The following SAXO1 variants were observed in gnomAD, a reference collection of about 807,000 sequenced individuals.
The protein encoded by SAXO1 is stabilizer of axonemal microtubules 1.
A neutral mutation model predicts 17.5 loss-of-function variants in SAXO1; 21 were observed. The observed-to-expected ratio is 1.20, with a 90% confidence interval of 0.85 to 1.72. The LOEUF (loss-of-function observed/expected upper bound fraction) is 1.72, where lower values mean the gene tolerates loss of function less well. SAXO1 is among the 40% of genes most tolerant of loss of function. The probability of loss-of-function intolerance (pLI) is 0.00; values close to 1 mark genes in which losing one functional copy is unlikely to be tolerated. For missense variants in SAXO1, 843 were observed against 596.0 expected (o/e 1.41, Z -4.32); for synonymous variants, 274 against 216.5 (o/e 1.27, Z -2.33).
chr9:19,032,042 G>A lies in SAXO1; in HGVS notation c.38+829C>T, dbSNP rs376958911. Among the ~76,000 whole-genome samples the A allele has an allele frequency of 6.6e-5, 10 of 152,272 alleles. No homozygotes were observed. In the East Asian group the frequency reaches 9.6e-4, roughly 15 times the overall value. Reference sequence around the variant, plus strand: ...CTCTTACAATAGTCCTATGAGGTACGTATTGTTGGTACAGATGAGGCGACT... The same window carrying A: ...CTCTTACAATAGTCCTATGAGGTACATATTGTTGGTACAGATGAGGCGACT... On this transcript the variant is annotated intron_variant, in intron 1 of 3. Transcript: ENST00000380534.
chr9:19,011,052 T>G (rs1230331794), intron 1 of SAXO1, among the ~76,000 whole-genome samples: 1 of 152,198 alleles, frequency 6.6e-6, no homozygotes, highest in Non-Finnish European at 1.5e-5. Flanking sequence ...CACTACAGTA[T>G]CCTGCATTGC....
At chr9:18,975,667 G>A (rs1833118859) in intron 1 of SAXO1, among the ~76,000 whole-genome samples, 1 of 152,194 alleles carries the variant, frequency 6.6e-6, no homozygotes, top group Non-Finnish European at 1.5e-5. Context: ...GTATAAATGA[G>A]AGCGTACAAA....
chr9:19,035,801 A>G (rs1005587304), upstream of SAXO1, among the ~76,000 whole-genome samples: 6 of 152,164 alleles, frequency 3.9e-5, no homozygotes, highest in Non-Finnish European at 7.3e-5. Flanking sequence ...CCTGTCCTAG[A>G]GATCTATGGA....
upstream of SAXO1, among the ~76,000 whole-genome samples, chr9:19,034,334 G>GTCTGC (rs1456280275): frequency 1.3e-5 from 2 of 149,454 alleles, no homozygotes; most frequent in African/African-American, 5.1e-5. Flanking sequence ...GCAAACTATT[G>GTCTGC]TCTGCAGTTG....
chr9:18,930,346 T>C (rs951066592), intron 3 of SAXO1, among the ~76,000 whole-genome samples: 8 of 152,170 alleles, frequency 5.3e-5, no homozygotes, highest in African/African-American at 1.7e-4. Context: ...TCCATGCATC[T>C]TGAGGACCAG....
At chr9:19,032,035 G>A (rs1306347851) in intron 1 of SAXO1, among the ~76,000 whole-genome samples, 1 of 152,138 alleles carries the variant, frequency 6.6e-6, no homozygotes, top group Non-Finnish European at 1.5e-5. Flanking sequence ...ATAGTCCTAT[G>A]AGGTACGTAT....
chr9:18,977,017 A>T (rs1484063362), intron 1 of SAXO1, among the ~76,000 whole-genome samples: 1 of 152,236 alleles, frequency 6.6e-6, no homozygotes, highest in East Asian at 1.9e-4. Context: ...CTAATGGATT[A>T]TAGCTCAGTA....
intron 3 of SAXO1, among the ~76,000 whole-genome samples, chr9:18,937,773 C>T: frequency 6.6e-6 from 1 of 152,154 alleles, no homozygotes; most frequent in Admixed American, 6.5e-5. Context: ...TCACTGGACA[C>T]CAAACCTATC....
intron 1 of SAXO1, among the ~76,000 whole-genome samples, chr9:18,985,511 GT>G (rs1833555799): frequency 6.6e-6 from 1 of 152,180 alleles, no homozygotes; most frequent in Admixed American, 6.5e-5. Flanking sequence ...GTACATAGAG[GT>G]AAAATTCATT....
chr9:18,962,746 A>G (rs776161177), intron 1 of SAXO1, among the ~76,000 whole-genome samples: 4 of 152,270 alleles, frequency 2.6e-5, no homozygotes, highest in Non-Finnish European at 4.4e-5. Flanking sequence ...TCTCCCTTTC[A>G]GTAGGTTGCC....
chr9:18,938,008 G>A (rs1831370691), intron 3 of SAXO1, among the ~76,000 whole-genome samples: 1 of 152,110 alleles, frequency 6.6e-6, no homozygotes, highest in African/African-American at 2.4e-5. Flanking sequence ...TTTAAAATCG[G>A]AATTGCAGAG....
chr9:18,958,577 A>C (rs372852295), intron 1 of SAXO1, among the ~76,000 whole-genome samples: 3 of 152,074 alleles, frequency 2.0e-5, no homozygotes, highest in African/African-American at 7.2e-5. Context: ...AAGAGATGCA[A>C]ATGATATACC....
At chr9:19,009,001 T>C (rs371900202) in intron 1 of SAXO1, among the ~76,000 whole-genome samples, 3 of 152,300 alleles carry the variant, frequency 2.0e-5, no homozygotes, top group Admixed American at 6.5e-5. Flanking sequence ...TCCAAATTCA[T>C]TCATATATGC....
intron 1 of SAXO1, among the ~76,000 whole-genome samples, chr9:18,994,140 A>C (rs1833919040): frequency 6.6e-6 from 1 of 152,238 alleles, no homozygotes; most frequent in Non-Finnish European, 1.5e-5. Context: ...CCAAAAATAC[A>C]GGAAAAATTC....
chr9:18,986,055 A>T (rs1833579890), intron 1 of SAXO1, among the ~76,000 whole-genome samples: 2 of 152,208 alleles, frequency 1.3e-5, no homozygotes, highest in Admixed American at 6.5e-5. Context: ...TTCACACATG[A>T]TTGCACTTTC....
chr9:19,011,278 T>A (rs142032325), intron 1 of SAXO1, among the ~76,000 whole-genome samples: 60 of 152,336 alleles, frequency 3.9e-4, no homozygotes, highest in African/African-American at 1.4e-3. Context: ...AACTACCTGC[T>A]GAGGCATTTG....
intron 1 of SAXO1, among the ~76,000 whole-genome samples, chr9:18,956,474 T>C (rs1832263370): frequency 6.6e-6 from 1 of 152,148 alleles, no homozygotes; most frequent in Non-Finnish European, 1.5e-5. Flanking sequence ...CCACCAGTCT[T>C]CTGGATCCCC....
chr9:18,959,059 A>G (rs759442944), intron 1 of SAXO1, among the ~76,000 whole-genome samples: 1 of 152,160 alleles, frequency 6.6e-6, no homozygotes, highest in Non-Finnish European at 1.5e-5. Flanking sequence ...GGAAAAAGAC[A>G]TCTTATTTGG....
At chr9:19,013,798 C>A (rs867358081) in intron 1 of SAXO1, among the ~76,000 whole-genome samples, 2 of 152,100 alleles carry the variant, frequency 1.3e-5, no homozygotes, top group South Asian at 2.1e-4. Flanking sequence ...CCACCCGCCT[C>A]GGCCTCCCAA....
Sources: gnomAD v4.1 joint callset for allele counts (sites outside exome capture counted in the v4.1 genomes callset) on GRCh38, gnomAD v4.1.1 for gene constraint, MANE v1.5 for transcripts, NCBI Gene and HGNC (gene_info 2026-07-23, HGNC 2026-07-21) for gene names.